Variants in CUBN observed in about 807,000 individuals in gnomAD.
The protein encoded by CUBN is 460 kDa receptor.
A neutral mutation model predicts 405.3 loss-of-function variants in CUBN; 282 were observed. The observed-to-expected ratio is 0.70, with a 90% CI of 0.63 to 0.77. The LOEUF is 0.77. Ranked by LOEUF, CUBN falls within the 30% of genes least tolerant of loss-of-function variation. The probability of loss-of-function intolerance (pLI) is 0.00; values close to 1 mark genes in which losing one functional copy is unlikely to be tolerated. For missense variants in CUBN, 4,514 were observed against 4,475.2 expected (o/e 1.01, Z -0.25); for synonymous variants, 1,684 against 1,617.0 (o/e 1.04, Z -0.99).
At chr10:17,065,718 T>A in intron 21 of CUBN, 80 bp from the exon 22 acceptor site, 1 of 1,514,814 alleles carries the variant, frequency 6.6e-7, no homozygotes, top group Non-Finnish European at 9.1e-7. Flanking sequence ...TTTGGACATG[T>A]AAATATAATA....
chr10:16,940,123 A>T lies in CUBN; in HGVS notation c.5457T>A (p.Asn1819Lys). The change falls in exon 37 of 67, where the codon AAT (asparagine) becomes AAA (lysine). Residue 1819 changes from asparagine to lysine, a missense_variant. By Grantham distance (94) the Asn-to-Lys change is moderately conservative. Around this residue, in one of 5 missense-constraint regions of CUBN, gnomAD observed 1,613 missense variants for 1,542.8 expected, o/e 1.05. Coordinates refer to ENST00000377833, the MANE Select transcript of CUBN (RefSeq NM_001081.4). ...GRYCGNSFPL[N>K]YSSIVGHTLW... Reference sequence around the variant, plus strand: ...GGGTATGTCCAACGATGGAAGAATAATTGAGAGGGAAGGAGTTTCCACAGT... The same window carrying T: ...GGGTATGTCCAACGATGGAAGAATATTTGAGAGGGAAGGAGTTTCCACAGT... The T allele has an allele frequency of 6.2e-7, 1 of 1,614,168 alleles. No individual in the cohort carries two copies. The highest frequency in any genetic ancestry group is 8.5e-7 in the Non-Finnish European group (1 of 1,180,008).
chr10:16,971,850 T>C (rs7920933), intron 31 of CUBN, among the ~76,000 whole-genome samples: 9,879 of 152,150 alleles, frequency 0.065, 1,137 homozygotes, highest in African/African-American at 0.23. Flanking sequence ...GTTAACCCAT[T>C]GGTTACTGCC....
At position 17,127,463 on chromosome 10, in the gene CUBN, C is replaced by T. The variant is rs149481452; in HGVS notation, c.348+366G>A. On this transcript the variant is annotated intron_variant, in intron 3 of 66. Coordinates refer to ENST00000377833, the MANE Select transcript of CUBN (RefSeq NM_001081.4). Reference sequence around the variant, plus strand: ...TTTTTTTTTTTTTTTTTGGTAGAGACGGAGTCTCACTATGTGGCCCAGGCT... The same window carrying T: ...TTTTTTTTTTTTTTTTTGGTAGAGATGGAGTCTCACTATGTGGCCCAGGCT... Among the ~76,000 whole-genome samples, 205 of 124,550 alleles carry T rather than the reference C, an allele frequency of 1.6e-3. 2 individuals carry two copies. Among genetic ancestry groups the T allele is most frequent in the Middle Eastern group, 0.012 (2 of 162 alleles). The allele number at this position is 124,550 out of a possible 152,430, so 81.7% of individuals were successfully genotyped here. A position where few individuals can be genotyped will look rare whatever the true frequency, so the allele number is the denominator to read the frequency against.
intron 8 of CUBN, among the ~76,000 whole-genome samples, chr10:17,112,013 A>C (rs1836782383): frequency 6.6e-6 from 1 of 152,232 alleles, no homozygotes; most frequent in Non-Finnish European, 1.5e-5. Flanking sequence ...GTGCTTGTAC[A>C]AATGAAGAAT....
At chr10:17,123,297 G>A in intron 5 of CUBN, 1 of 491,834 alleles carries the variant, frequency 2.0e-6, no homozygotes, top group East Asian at 3.7e-5. Flanking sequence ...AGATTTGTTT[G>A]GTACTTTCCA....
chr10:17,083,545 A>ATACATACATACATACC lies in CUBN; in HGVS notation c.2301+725_2301+726insGGTATGTATGTATGTA, dbSNP rs1328610755. Among the ~76,000 whole-genome samples the ATACATACATACATACC allele has an allele frequency of 3.3e-5, 5 of 152,084 alleles. No homozygotes were observed. In the East Asian group the frequency reaches 9.6e-4, roughly 29 times the overall value. Reference sequence around the variant, plus strand: ...CATACATACATACATACATACATACATACTGCTGTAGTGCTATGGTCAATG... The same window carrying ATACATACATACATACC: ...CATACATACATACATACATACATACATACATACATACATACCTACTGCTGTAGTGCTATGGTCAATG... On this transcript the variant is annotated intron_variant, in intron 17 of 66. Coordinates refer to ENST00000377833, the MANE Select transcript of CUBN (RefSeq NM_001081.4).
At chr10:16,966,321 T>TA (rs1171978077) in intron 31 of CUBN, among the ~76,000 whole-genome samples, 5 of 152,214 alleles carry the variant, frequency 3.3e-5, no homozygotes, top group African/African-American at 1.2e-4. Context: ...CCAGAACTTC[T>TA]ATCGTTGCCA....
intron 26 of CUBN, among the ~76,000 whole-genome samples, chr10:17,042,812 T>C (rs984506455): frequency 6.6e-6 from 1 of 152,178 alleles, no homozygotes; most frequent in African/African-American, 2.4e-5. Context: ...TTATTACTCT[T>C]TCAGTTAATT....
At chr10:16,990,601 CA>C in intron 28 of CUBN, 86 bp from the exon 29 acceptor site, 2 of 1,049,064 alleles carry the variant, frequency 1.9e-6, no homozygotes, top group Non-Finnish European at 1.4e-6. Context: ...GAAAGGCCAT[CA>C]AAAATATACA....
At chr10:16,901,876 T>C (rs1050525294) in intron 51 of CUBN, among the ~76,000 whole-genome samples, 2 of 108,908 alleles carry the variant, frequency 1.8e-5, no homozygotes, top group African/African-American at 6.5e-5. Flanking sequence ...ATTATATATA[T>C]ACACCATATA....
intron 5 of CUBN, 151 bp from the exon 6 acceptor site, chr10:17,123,049 A>G: frequency 1.5e-6 from 1 of 685,986 alleles, no homozygotes; most frequent in Non-Finnish European, 2.7e-6. Flanking sequence ...ACCCCTGGCT[A>G]TTCTTCCTCT....
intron 28 of CUBN, among the ~76,000 whole-genome samples, chr10:17,002,021 G>T (rs75208528): frequency 0.024 from 3,604 of 152,248 alleles, 99 homozygotes; most frequent in African/African-American, 0.067. Flanking sequence ...ACCTGGCACT[G>T]CTTCCTCTGT....
At chr10:16,994,215 T>C (rs886577225) in intron 28 of CUBN, among the ~76,000 whole-genome samples, 1 of 152,218 alleles carries the variant, frequency 6.6e-6, no homozygotes, top group Non-Finnish European at 1.5e-5. Context: ...CATAAGTGTT[T>C]ATTGAGCATC....
At chr10:17,113,129 G>A (rs1417296354) in intron 8 of CUBN, among the ~76,000 whole-genome samples, 1 of 152,112 alleles carries the variant, frequency 6.6e-6, no homozygotes, top group Non-Finnish European at 1.5e-5. Context: ...GCCGGGTGTG[G>A]TGAGGTGTGC....
chr10:16,833,056 G>A (rs973270710), intron 64 of CUBN, among the ~76,000 whole-genome samples: 5 of 152,104 alleles, frequency 3.3e-5, no homozygotes, highest in African/African-American at 9.7e-5. Context: ...CACTCTCCAC[G>A]GCTGGAAAGC....
At chr10:16,884,753 G>T (rs186528612) in intron 56 of CUBN, among the ~76,000 whole-genome samples, 1 of 152,038 alleles carries the variant, frequency 6.6e-6, no homozygotes, top group African/African-American at 2.4e-5. Flanking sequence ...TTTAGTAGAC[G>T]CCATATAGGG....
At chr10:16,999,240 T>A (rs945807981) in intron 28 of CUBN, among the ~76,000 whole-genome samples, 1 of 152,184 alleles carries the variant, frequency 6.6e-6, no homozygotes, top group Non-Finnish European at 1.5e-5. Context: ...TAAATACTGA[T>A]GTGTTTCCCT....
At chr10:16,952,210 T>C (rs1376186446) in intron 33 of CUBN, 66 bp downstream of exon 33, 1 of 1,147,326 alleles carries the variant, frequency 8.7e-7, no homozygotes, top group Non-Finnish European at 1.3e-6. Flanking sequence ...AGGTTACTCA[T>C]AGACTGACCT....
At chr10:16,852,002 A>C (rs1301267757) in intron 59 of CUBN, among the ~76,000 whole-genome samples, 6 of 48,426 alleles carry the variant, frequency 1.2e-4, no homozygotes, top group Non-Finnish European at 1.9e-4. Flanking sequence ...CCCTCCCTCT[A>C]TCTTTGCCTC....
Sources: gnomAD v4.1 joint callset for allele counts (sites outside exome capture counted in the v4.1 genomes callset) on GRCh38, gnomAD v4.1.1 for gene constraint, gnomAD v4.1.1 regional missense constraint, MANE v1.5 for transcripts, NCBI Gene and HGNC (gene_info 2026-07-23, HGNC 2026-07-21) for gene names.